Variants in PACRG observed in about 807,000 individuals in gnomAD.
PACRG encodes parkin coregulated gene protein.
Under a neutral mutation model 29.7 loss-of-function variants are expected in PACRG, and 29 were observed. The observed-to-expected ratio is 0.98, with a 90% CI of 0.73 to 1.33. The LOEUF is 1.33. Among genes scored for constraint, PACRG ranks in the 40% most tolerant of loss-of-function variants. The probability of loss-of-function intolerance (pLI) is 0.00; values close to 1 mark genes in which losing one functional copy is unlikely to be tolerated. For synonymous variants in PACRG, 116 were observed against 118.7 expected (o/e 0.98, Z 0.15); for missense variants, 279 against 316.2 (o/e 0.88, Z 0.89).
At chr6:163,246,421 A>T (rs1447978620) in intron 4 of PACRG, among the ~76,000 whole-genome samples, 1 of 152,038 alleles carries the variant, frequency 6.6e-6, no homozygotes, top group African/African-American at 2.4e-5. Context: ...GTGCCTCCAC[A>T]TGGAGGCTTT....
chr6:163,191,765 C>G, intron 4 of PACRG: 1 of 456,374 alleles, frequency 2.2e-6, no homozygotes, highest in South Asian at 1.5e-5. Context: ...CCTCTGCCCC[C>G]AGGTTGTCCA....
intron 1 of PACRG, among the ~76,000 whole-genome samples, chr6:162,766,209 GCCT>G (rs750648639): frequency 3.3e-5 from 5 of 152,130 alleles, no homozygotes; most frequent in Non-Finnish European, 7.4e-5. Context: ...ATTGACCAAC[GCCT>G]CCTCTTTCCC....
chr6:163,289,119 T>C (rs976183498), intron 4 of PACRG, among the ~76,000 whole-genome samples: 6 of 152,054 alleles, frequency 3.9e-5, no homozygotes. Flanking sequence ...ACCAACAAAT[T>C]TGGAATTCCG....
rs554267677 is a variant in PACRG, at chr6:163,284,361, C to T, written c.614-30466C>T. On this transcript the variant is annotated intron_variant, in intron 4 of 4. Coordinates refer to ENST00000366888, the MANE Select transcript of PACRG (RefSeq NM_001080379.2). Reference sequence around the variant, plus strand: ...GCTCCTTTAGAGGGGAGTCATCTTCCGTTCCAGCCGGTATCACTGCCCTCT... The same window carrying T: ...GCTCCTTTAGAGGGGAGTCATCTTCTGTTCCAGCCGGTATCACTGCCCTCT... Among the ~76,000 whole-genome samples, 24 of 152,252 alleles carry T rather than the reference C, an allele frequency of 1.6e-4. No homozygotes were observed. The South Asian group carries it at 4.6e-3, about 29-fold the overall frequency.
At chr6:163,307,090 A>G (rs1489113615) in intron 4 of PACRG, among the ~76,000 whole-genome samples, 1 of 152,194 alleles carries the variant, frequency 6.6e-6, no homozygotes, top group African/African-American at 2.4e-5. Context: ...TGTACATTTC[A>G]TAGATAAATG....
At chr6:163,031,603 G>C (rs948592747) in intron 2 of PACRG, among the ~76,000 whole-genome samples, 3 of 152,070 alleles carry the variant, frequency 2.0e-5, no homozygotes, top group Non-Finnish European at 4.4e-5. Flanking sequence ...ATTATACTTG[G>C]CCTGATTATT....
At chr6:163,248,614 C>G (rs1782783918) in intron 4 of PACRG, among the ~76,000 whole-genome samples, 1 of 152,140 alleles carries the variant, frequency 6.6e-6, no homozygotes, top group Admixed American at 6.5e-5. Context: ...TCCCATGAAG[C>G]CACAGAATTC....
chr6:162,798,153 T>C (rs1391522203), intron 1 of PACRG, among the ~76,000 whole-genome samples: 2 of 152,206 alleles, frequency 1.3e-5, no homozygotes, highest in Non-Finnish European at 2.9e-5. Context: ...TAAAGTGGGC[T>C]TCTGGGTCTA....
intron 4 of PACRG, among the ~76,000 whole-genome samples, chr6:163,295,671 T>C (rs538351368): frequency 1.3e-3 from 196 of 152,346 alleles, no homozygotes; most frequent in African/African-American, 4.1e-3. Flanking sequence ...CTGATACTGT[T>C]ATTATAATAA....
chr6:163,038,623 T>C (rs1446967076), intron 2 of PACRG, among the ~76,000 whole-genome samples: 1 of 152,146 alleles, frequency 6.6e-6, no homozygotes, highest in Non-Finnish European at 1.5e-5. Context: ...CTCTGTCTCA[T>C]GAATTGGTAT....
intron 4 of PACRG, among the ~76,000 whole-genome samples, chr6:163,228,653 G>A (rs571835801): frequency 2.6e-5 from 4 of 152,284 alleles, no homozygotes; most frequent in East Asian, 3.9e-4. Flanking sequence ...GTAAAGGAAC[G>A]ATGGTGAACG....
chr6:163,170,210 G>A (rs1779006781), intron 4 of PACRG, among the ~76,000 whole-genome samples: 2 of 152,086 alleles, frequency 1.3e-5, no homozygotes, highest in African/African-American at 4.8e-5. Flanking sequence ...TGAGACTGCT[G>A]GAGGAAGAGG....
intron 2 of PACRG, among the ~76,000 whole-genome samples, chr6:162,820,485 G>A (rs1787750045): frequency 6.6e-6 from 1 of 152,102 alleles, no homozygotes; most frequent in African/African-American, 2.4e-5. Context: ...ACTGAGGATA[G>A]CTCATTATCT....
rs527368303 is a variant in PACRG at position 163,047,349 on chromosome 6, G to A, written c.292-14801G>A. 2.0e-5 allele frequency among the ~76,000 whole-genome samples: 3 copies of A among 152,270 alleles called. No individual in the cohort carries two copies. The East Asian group carries it at 5.8e-4, about 29-fold the overall frequency. On this transcript the variant is annotated intron_variant, in intron 2 of 4. Transcript: ENST00000366888. ...AAGCTTTGACAATGTATTTCAATAT[G>A]TATTTTACTCCTTTTTATCTCCCTA...
intron 2 of PACRG, among the ~76,000 whole-genome samples, chr6:162,874,457 G>A (rs982264278): frequency 2.6e-5 from 4 of 152,028 alleles, no homozygotes; most frequent in African/African-American, 9.7e-5. Context: ...TTCACAGGAG[G>A]GCAAGAAACC....
intron 1 of PACRG, among the ~76,000 whole-genome samples, chr6:162,744,524 G>C (rs1780840206): frequency 6.6e-6 from 1 of 152,124 alleles, no homozygotes; most frequent in Non-Finnish European, 1.5e-5. Flanking sequence ...GAGCACAGGA[G>C]ACCAAGGCTG....
chr6:162,890,787 T>G (rs1351058983), intron 2 of PACRG, among the ~76,000 whole-genome samples: 1 of 152,080 alleles, frequency 6.6e-6, no homozygotes, highest in Non-Finnish European at 1.5e-5. Flanking sequence ...TGGAAACTGT[T>G]GAAAGCCGTC....
intron 3 of PACRG, among the ~76,000 whole-genome samples, chr6:163,081,511 C>CT (rs1813071821): frequency 6.6e-6 from 1 of 152,160 alleles, no homozygotes; most frequent in African/African-American, 2.4e-5. Context: ...AATCCCAACA[C>CT]TTTGGAAGGC....
intron 4 of PACRG, among the ~76,000 whole-genome samples, chr6:163,210,418 C>A (rs1781087481): frequency 6.6e-6 from 1 of 152,094 alleles, no homozygotes; most frequent in Admixed American, 6.5e-5. Context: ...ACTGGAGGGC[C>A]TTCATTAAAA....
Sources: gnomAD v4.1 joint callset for allele counts (sites outside exome capture counted in the v4.1 genomes callset) on GRCh38, gnomAD v4.1.1 for gene constraint, MANE v1.5 for transcripts, NCBI Gene and HGNC (gene_info 2026-07-23, HGNC 2026-07-21) for gene names.